The following HCRTR2 variants were observed in gnomAD, a reference collection of about 807,000 sequenced individuals.
HCRTR2 encodes the protein orexin receptor type 2.
A neutral mutation model predicts 49.0 loss-of-function variants in HCRTR2; 22 were observed. That is an observed-to-expected ratio of 0.45 (90% confidence interval 0.32 to 0.64). The LOEUF (loss-of-function observed/expected upper bound fraction) is 0.64, where lower values mean the gene tolerates loss of function less well. Ranked by LOEUF, HCRTR2 falls within the 30% of genes least tolerant of loss-of-function variation. The probability of loss-of-function intolerance (pLI) is 0.04; values close to 1 mark genes in which losing one functional copy is unlikely to be tolerated. For missense variants in HCRTR2, 491 were observed against 559.4 expected, an observed-to-expected ratio of 0.88 and a Z score of 1.23; for synonymous variants, 236 against 205.3, an observed-to-expected ratio of 1.15 and a Z score of -1.28.
intron 1 of HCRTR2, among the ~76,000 whole-genome samples, chr6:55,233,240 C>G (rs1766150463): frequency 6.6e-6 from 1 of 152,080 alleles, no homozygotes; most frequent in Admixed American, 6.5e-5. Context: ...AGGCGCCCAC[C>G]ACCAGACTCA....
At chr6:55,200,271 GTGTGTGTT>G (rs977923443) in intron 1 of HCRTR2, among the ~76,000 whole-genome samples, 13 of 146,180 alleles carry the variant, frequency 8.9e-5, no homozygotes, top group African/African-American at 2.9e-4. Flanking sequence ...GTGTGTGTGT[GTGTGTGTT>G]TTTGAAACGG....
At chr6:55,283,354 C>T (rs1186518951), downstream of HCRTR2, among the ~76,000 whole-genome samples, 1 of 152,106 alleles carries the variant, frequency 6.6e-6, no homozygotes, top group African/African-American at 2.4e-5. Context: ...GGGGACAATT[C>T]TTGGTCATGG....
intron 1 of HCRTR2, among the ~76,000 whole-genome samples, chr6:55,166,861 C>A (rs1321284969): frequency 6.6e-6 from 1 of 152,078 alleles, no homozygotes; most frequent in African/African-American, 2.4e-5. Flanking sequence ...AAATACTATT[C>A]AGCCACAAAA....
chr6:55,196,606 G>A (rs963760855), intron 1 of HCRTR2, among the ~76,000 whole-genome samples: 1 of 152,150 alleles, frequency 6.6e-6, no homozygotes, highest in African/African-American at 2.4e-5. Flanking sequence ...AGTTACCTGA[G>A]CTTTATTTTG....
At chr6:55,137,195 A>G (rs1031782614) in intron 1 of HCRTR2, among the ~76,000 whole-genome samples, 2 of 152,204 alleles carry the variant, frequency 1.3e-5, no homozygotes, top group African/African-American at 4.8e-5. Flanking sequence ...ATTAATTTCT[A>G]TTTCTATGAC....
At chr6:55,182,849 C>A (rs1279431437) in intron 1 of HCRTR2, among the ~76,000 whole-genome samples, 1 of 152,166 alleles carries the variant, frequency 6.6e-6, no homozygotes, top group Non-Finnish European at 1.5e-5. Flanking sequence ...CATATCGTAT[C>A]AACCTAACTA....
intron 4 of HCRTR2, among the ~76,000 whole-genome samples, chr6:55,269,243 A>G (rs1766924942): frequency 6.6e-6 from 1 of 152,204 alleles, no homozygotes; most frequent in South Asian, 2.1e-4. Flanking sequence ...ATTTGCACAT[A>G]AAACATTTTC....
intron 1 of HCRTR2, among the ~76,000 whole-genome samples, chr6:55,183,291 A>G (rs1581813707): frequency 2.0e-5 from 3 of 152,244 alleles, no homozygotes; most frequent in Non-Finnish European, 2.9e-5. Context: ...GAGTTTTAAT[A>G]GATGAATTCA....
chr6:55,158,627 C>G (rs72977418), intron 1 of HCRTR2, among the ~76,000 whole-genome samples: 24,332 of 152,148 alleles, frequency 0.16, 2,241 homozygotes, highest in Non-Finnish European at 0.2. Flanking sequence ...GAGAGAGGGA[C>G]GTCCACCATT....
chr6:55,131,513 G>T (rs1210557992), intron 1 of HCRTR2, among the ~76,000 whole-genome samples: 3 of 151,590 alleles, frequency 2.0e-5, no homozygotes, highest in African/African-American at 7.3e-5. Flanking sequence ...TGGTTTTAAG[G>T]ATAATAGCTA....
chr6:55,225,564 C>T (rs1765987650), intron 1 of HCRTR2, among the ~76,000 whole-genome samples: 1 of 152,262 alleles, frequency 6.6e-6, no homozygotes, highest in South Asian at 2.1e-4. Flanking sequence ...CAGACCTGCA[C>T]AAGGCATAGA....
intron 1 of HCRTR2, among the ~76,000 whole-genome samples, chr6:55,176,021 A>G (rs1230452653): frequency 6.6e-6 from 1 of 152,190 alleles, no homozygotes; most frequent in South Asian, 2.1e-4. Context: ...CTTTGCAGTC[A>G]AAAGCAAAGA....
intron 1 of HCRTR2, among the ~76,000 whole-genome samples, chr6:55,148,043 A>G (rs186981052): frequency 1.3e-3 from 203 of 152,284 alleles, no homozygotes; most frequent in African/African-American, 4.5e-3. Flanking sequence ...GTTTGTTGTT[A>G]GAGATCATTT....
At chr6:55,234,622 C>T (rs921295011) in intron 1 of HCRTR2, among the ~76,000 whole-genome samples, 2 of 151,972 alleles carry the variant, frequency 1.3e-5, no homozygotes, top group African/African-American at 4.8e-5. Context: ...TTCTAATTGG[C>T]AACAAATGTA....
intron 1 of HCRTR2, among the ~76,000 whole-genome samples, chr6:55,208,369 G>A (rs1305138174): frequency 1.3e-5 from 2 of 151,214 alleles, no homozygotes; most frequent in Admixed American, 1.3e-4. Flanking sequence ...GTGTGTGCCT[G>A]TAATGCCAGC....
intron 1 of HCRTR2, among the ~76,000 whole-genome samples, chr6:55,165,374 A>G (rs1764862065): frequency 6.6e-6 from 1 of 152,130 alleles, no homozygotes; most frequent in South Asian, 2.1e-4. Flanking sequence ...ACTCTCATTC[A>G]ATGGGAAAAG....
At chr6:55,158,786 A>T (rs1471770761) in intron 1 of HCRTR2, among the ~76,000 whole-genome samples, 1 of 152,234 alleles carries the variant, frequency 6.6e-6, no homozygotes, top group Non-Finnish European at 1.5e-5. Context: ...CTTCTCTGAA[A>T]GAAAGGCAGC....
rs34441523 is a variant in HCRTR2, at chr6:55,175,512, A to AT, written c.223+713dup. On this transcript the variant is annotated intron_variant, in intron 1 of 6. Coordinates refer to ENST00000370862, the MANE Select transcript of HCRTR2 (RefSeq NM_001384272.1). ...CATTCTTACATCCATTCAGCCAAAT[A>AT]TTTTTTTTTTTCAGTCTGCTTGTTG... is the stretch of plus-strand genomic sequence containing the variant. Among the ~76,000 whole-genome samples, 614 of 148,562 alleles carry AT rather than the reference A, an allele frequency of 4.1e-3. 5 individuals carry two copies. The highest frequency in any genetic ancestry group is 0.012 in the East Asian group (63 of 5,068).
chr6:55,152,585 A>T (rs1012383668), intron 1 of HCRTR2, among the ~76,000 whole-genome samples: 10 of 151,992 alleles, frequency 6.6e-5, no homozygotes, highest in Non-Finnish European at 1.5e-4. Context: ...TTTGCCAAAG[A>T]TCTGGAGGCT....
Sources: allele counts gnomAD v4.1 joint callset (sites outside exome capture counted in the v4.1 genomes callset), GRCh38; gene constraint gnomAD v4.1.1; transcripts MANE v1.5; gene names NCBI Gene and HGNC (gene_info 2026-07-23, HGNC 2026-07-21).